DLST: variants seen among roughly 807,000 people sequenced by gnomAD.
The protein encoded by DLST is dihydrolipoyllysine-residue succinyltransferase component of 2-oxoglutarate dehydrogenase complex, mitochondrial.
In DLST, 17 loss-of-function variants were observed where a neutral mutation model predicts 53.1. The ratio of observed to expected loss-of-function variants is 0.32; its 90% CI spans 0.22 to 0.48. DLST has a LOEUF of 0.48. Ranked by LOEUF, DLST falls within the 20% of genes least tolerant of loss-of-function variation. The pLI is 0.99. For missense variants in DLST, 512 were observed against 583.9 expected, an observed-to-expected ratio of 0.88 and a Z score of 1.27; for synonymous variants, 206 against 204.8, an observed-to-expected ratio of 1.01 and a Z score of -0.05.
At position 74,889,121 on chromosome 14, in the gene DLST, G is replaced by C; in HGVS notation, c.173G>C (p.Arg58Pro). Reference sequence around the variant, plus strand: ...ATTAACAACAGTGTCTTCAGTGTTCGCTTTTTCAGAACTACAGCTGTATGC... The same window carrying C: ...ATTAACAACAGTGTCTTCAGTGTTCCCTTTTTCAGAACTACAGCTGTATGC... ...VVINNSVFSV[R>P]FFRTTAVCKD... The change falls in exon 4 of 15, where the codon CGC becomes CCC. Residue 58 changes from arginine to proline, a missense_variant. By Grantham distance (103) the Arg-to-Pro change is moderately radical. Coordinates refer to ENST00000334220, the MANE Select transcript of DLST (RefSeq NM_001933.5). The C allele has an allele frequency of 6.2e-7, 1 of 1,614,146 alleles. No individual in the cohort carries two copies. Among genetic ancestry groups the C allele is most frequent in the Non-Finnish European group, 8.5e-7 (1 of 1,180,036 alleles).
In DLST at chr14:74,902,606, T is replaced by C. The variant is rs1362028839; in HGVS notation, c.*276T>C. ...ATGGATGCTCATTCATATTCCTGCCTTTCTTCCATCAGCTCTCTGCAAAGA... is the reference window on the plus strand; with the variant it reads ...ATGGATGCTCATTCATATTCCTGCCCTTCTTCCATCAGCTCTCTGCAAAGA... On this transcript the variant is annotated 3_prime_UTR_variant, in exon 15 of 15. Coordinates refer to ENST00000334220, the MANE Select transcript of DLST (RefSeq NM_001933.5). The C allele has an allele frequency of 2.8e-5, 8 of 285,846 alleles. No individual in the cohort carries two copies. The highest frequency in any genetic ancestry group is 4.6e-5 in the Non-Finnish European group (7 of 153,796). 17.7% of individuals were successfully genotyped at this position (285,846 alleles called of 1,614,324 possible).
intron 7 of DLST, chr14:74,891,681 G>T (rs772178401): frequency 1.8e-5 from 18 of 983,900 alleles, no homozygotes; most frequent in Admixed American, 6.1e-5. Flanking sequence ...GACCTGATAG[G>T]ATTAGAGATT....
At chr14:74,884,293 C>G (rs1404429685) in intron 2 of DLST, among the ~76,000 whole-genome samples, 1 of 152,036 alleles carries the variant, frequency 6.6e-6, no homozygotes, top group Non-Finnish European at 1.5e-5. Flanking sequence ...ACATAAAGCC[C>G]CTAGCACAAT....
Position 74,903,661 on chromosome 14 carries a change from CTG to C in DLST, c.*1333_*1334del, listed in dbSNP as rs1386233622. ...CTGAGTGCCTGCAGCATCTACTACT[CTG>C]TCTTCACTATTCAGAACTTGTAACT... On this transcript the variant is annotated 3_prime_UTR_variant, in exon 15 of 15. Coordinates refer to ENST00000334220, the MANE Select transcript of DLST (RefSeq NM_001933.5). 1.2e-4 allele frequency: 18 copies of C among 152,226 alleles called. No homozygotes were observed. Among genetic ancestry groups the C allele is most frequent in the South Asian group, 1.0e-3 (5 of 4,828 alleles). 9.4% of individuals were successfully genotyped at this position (152,226 alleles called of 1,614,324 possible).
chr14:74,892,935 A>G lies in DLST; in HGVS notation c.544A>G (p.Thr182Ala). The G allele has an allele frequency of 1.9e-6, 3 of 1,613,728 alleles. No individual in the cohort carries two copies. Among genetic ancestry groups the G allele is most frequent in the Non-Finnish European group, 2.5e-6 (3 of 1,179,910 alleles). ...TCCTCCCCCTGCAGCACCCATACCCACTCAGATGCCACCGGTGCCCTCGCC... is the reference window on the plus strand; with the variant it reads ...TCCTCCCCCTGCAGCACCCATACCCGCTCAGATGCCACCGGTGCCCTCGCC... ...AVPPPAAPIPTQMPPVPSPSQ... is the reference protein window; with the variant it reads ...AVPPPAAPIPAQMPPVPSPSQ... Residue 182 changes from threonine (T) to alanine (A), a missense_variant, in exon 8 of 15, where the codon ACT becomes GCT. Physicochemically the swap from Thr to Ala is moderately conservative, Grantham distance 58. This residue lies in a region of DLST where 162 missense variants were observed against 162.0 expected (regional missense o/e 1.00). Coordinates refer to ENST00000334220, the MANE Select transcript of DLST (RefSeq NM_001933.5).
At chr14:74,885,088 A>AGTCTTT (rs1457203883) in intron 2 of DLST, among the ~76,000 whole-genome samples, 1 of 152,210 alleles carries the variant, frequency 6.6e-6, no homozygotes, top group African/African-American at 2.4e-5. Context: ...AAAGTAGCCA[A>AGTCTTT]GTCTTTGCTA....
chr14:74,892,710 C>T, intron 7 of DLST, 124 bp from the exon 8 acceptor site: 2 of 912,886 alleles, frequency 2.2e-6, no homozygotes, highest in Non-Finnish European at 3.4e-6. Context: ...TAGTGCTTTG[C>T]ATATTGCTGA....
intron 3 of DLST, among the ~76,000 whole-genome samples, chr14:74,886,310 TA>T (rs1164812884): frequency 1.3e-5 from 2 of 152,244 alleles, no homozygotes; most frequent in South Asian, 4.1e-4. Context: ...TTACTTACTC[TA>T]CATCACAATG....
chr14:74,894,446 T>G, intron 10 of DLST, 37 bp downstream of exon 10: 2 of 1,600,816 alleles, frequency 1.2e-6, no homozygotes, highest in Non-Finnish European at 1.7e-6. Flanking sequence ...CTAGGCCCCT[T>G]TTTCTTAGAG....
At chr14:74,902,091 A>G (rs1884267796) in intron 14 of DLST, 105 bp from the exon 15 acceptor site, 1 of 1,242,070 alleles carries the variant, frequency 8.1e-7, no homozygotes, top group Admixed American at 3.0e-5. Flanking sequence ...ATCAATAGGA[A>G]AGGCTCTGGA....
intron 9 of DLST, 48 bp from the exon 10 acceptor site, chr14:74,894,264 G>C (rs553600016): frequency 6.2e-7 from 1 of 1,607,196 alleles, no homozygotes; most frequent in African/African-American, 1.3e-5. Context: ...GGGAATGCTT[G>C]ACCCAGAGAG....
intron 10 of DLST, among the ~76,000 whole-genome samples, chr14:74,896,322 A>G (rs1160956805): frequency 1.3e-5 from 2 of 152,238 alleles, no homozygotes; most frequent in Non-Finnish European, 2.9e-5. Flanking sequence ...TTGTATAGCA[A>G]AGAATGGTAA....
rs1216347363 is a variant in DLST at position 74,899,964 on chromosome 14, A to G, written c.943A>G (p.Ile315Val). The change falls in exon 12 of 15, where the codon ATT becomes GTT. Residue 315 changes from isoleucine to valine, a missense_variant. Coordinates refer to ENST00000334220, the MANE Select transcript of DLST (RefSeq NM_001933.5). ...CAAAGAGGTGGTGTATAGGGATTAT[A>G]TTGACATCAGTGTTGCAGTGGCCAC... Reference protein sequence around the residue: ...TTKEVVYRDYIDISVAVATPR... With the variant: ...TTKEVVYRDYVDISVAVATPR... The G allele has an allele frequency of 1.2e-6, 2 of 1,613,934 alleles. No individual in the cohort carries two copies. The highest frequency in any genetic ancestry group is 2.2e-5 in the South Asian group (2 of 91,070).
rs1468903720 is a variant in DLST at position 74,894,559 on chromosome 14, G to GTTTTT, written c.770+152_770+156dup. 5 of 896,840 alleles carry GTTTTT rather than the reference G, an allele frequency of 5.6e-6. No individual in the cohort carries two copies. The African/African-American group carries it at 8.6e-5, about 15-fold the overall frequency. 55.6% of individuals were successfully genotyped at this position (896,840 alleles called of 1,614,324 possible). ...TTTTTGTTTGTTTGTTTTTGTTTTT[G>GTTTTT]TTTTTTGAGATGGAGTCTCGCTGTC... On this transcript the variant is annotated intron_variant, in intron 10 of 14. Coordinates refer to ENST00000334220, the MANE Select transcript of DLST (RefSeq NM_001933.5).
chr14:74,891,993 C>T, intron 7 of DLST: 1 of 387,220 alleles, frequency 2.6e-6, no homozygotes, highest in Non-Finnish European at 3.5e-6. Flanking sequence ...ACAAACATTT[C>T]ATTTAAAGTT....
chr14:74,896,034 T>A (rs1375923130), intron 10 of DLST, among the ~76,000 whole-genome samples: 2 of 152,174 alleles, frequency 1.3e-5, no homozygotes, highest in East Asian at 3.8e-4. Context: ...TTTTTTTAGT[T>A]TTTGTAGAGA....
rs765315601 is a variant in DLST, at chr14:74,893,355, A to G, written c.603A>G (p.Ala201=). The change falls in exon 9 of 15, where the codon GCA becomes GCG. Residue 201 remains alanine (A), a synonymous_variant. Transcript: ENST00000334220. ...SQPPSGKPVS[A]VKPTVAPPLA... is the part of the protein sequence containing the mutation. Reference sequence around the variant, plus strand: ...TCCTCTTTTCATTTTCAGTGTCTGCAGTAAAACCCACTGTTGCCCCACCAC... The same window carrying G: ...TCCTCTTTTCATTTTCAGTGTCTGCGGTAAAACCCACTGTTGCCCCACCAC... 3.7e-6 allele frequency: 6 copies of G among 1,614,126 alleles called. No homozygotes were observed. Among genetic ancestry groups the G allele is most frequent in the Non-Finnish European group, 1.7e-6 (2 of 1,180,052 alleles).
Position 74,889,961 on chromosome 14 carries a change from A to C in DLST, c.330+9A>C, listed in dbSNP as rs765249158. ...AGATTGAAACTGACAAGGTAGGCTT[A>C]TCTTATATTCGTACCAGCTTTTCAT... On this transcript the variant is annotated intron_variant, in intron 6 of 14. Transcript: ENST00000334220. 6 of 1,612,922 alleles carry C rather than the reference A, an allele frequency of 3.7e-6. No homozygotes were observed. The African/African-American group carries it at 8.0e-5, about 22-fold the overall frequency.
chr14:74,889,042 A>G, intron 3 of DLST, 53 bp from the exon 4 acceptor site: 1 of 1,584,380 alleles, frequency 6.3e-7, no homozygotes, highest in Admixed American at 1.7e-5. Flanking sequence ...TAACTAGACT[A>G]AAATGTGAGT....
Sources: allele counts gnomAD v4.1 joint callset (sites outside exome capture counted in the v4.1 genomes callset), GRCh38; gene constraint gnomAD v4.1.1; regional missense constraint gnomAD v4.1.1; transcripts MANE v1.5; gene names NCBI Gene and HGNC (gene_info 2026-07-23, HGNC 2026-07-21).